Variants in TNKS2 observed in about 807,000 individuals in gnomAD.
TNKS2 encodes tankyrase 2.
In TNKS2, 72 loss-of-function variants were observed where a neutral mutation model predicts 137.6. The ratio of observed to expected loss-of-function variants is 0.52; its 90% CI spans 0.43 to 0.64. The LOEUF (loss-of-function observed/expected upper bound fraction) is 0.64, where lower values mean the gene tolerates loss of function less well. Among genes scored for constraint, TNKS2 ranks in the 30% least tolerant of loss-of-function variants. The probability of loss-of-function intolerance (pLI) is 0.00; values close to 1 mark genes in which losing one functional copy is unlikely to be tolerated. For synonymous variants in TNKS2, 516 were observed against 512.1 expected, an observed-to-expected ratio of 1.01 and a Z score of -0.10; for missense variants, 1,049 against 1,410.2, an observed-to-expected ratio of 0.74 and a Z score of 4.10.
intron 3 of TNKS2, among the ~76,000 whole-genome samples, chr10:91,818,881 T>C (rs928327755): frequency 6.6e-6 from 1 of 152,126 alleles, no homozygotes; most frequent in African/African-American, 2.4e-5. Flanking sequence ...TTCTCTGTTA[T>C]AAAAATAACA....
rs1166530542 is a variant in TNKS2, at chr10:91,798,457, G to C, written c.-234G>C. ...CGCCGCCGCGTCGTTTCAGGACCCG[G>C]ACGGCGGATTCGCGCTGCCTCCGCC... is the stretch of plus-strand genomic sequence containing the variant. On this transcript the variant is annotated 5_prime_UTR_variant, in exon 1 of 27. Transcript: ENST00000371627. 6.1e-6 allele frequency: 2 copies of C among 327,152 alleles called. No homozygotes were observed. The highest frequency in any genetic ancestry group is 5.3e-6 in the Non-Finnish European group (1 of 189,008). 20.3% of individuals were successfully genotyped at this position (327,152 alleles called of 1,614,324 possible).
chr10:91,845,106 A>C, intron 17 of TNKS2, 78 bp downstream of exon 17: 1 of 886,800 alleles, frequency 1.1e-6, no homozygotes, highest in East Asian at 2.6e-5. Context: ...AATGGAATGT[A>C]GTTTGATGTT....
At chr10:91,812,949 T>C (rs1844555918) in intron 1 of TNKS2, 34 bp from the exon 2 acceptor site, 1 of 1,606,540 alleles carries the variant, frequency 6.2e-7, no homozygotes, top group African/African-American at 1.3e-5. Context: ...TTTTCCTTGT[T>C]GAACTTACGT....
chr10:91,825,895 T>C (rs1275778520), intron 7 of TNKS2, among the ~76,000 whole-genome samples: 2 of 152,258 alleles, frequency 1.3e-5, no homozygotes, highest in Non-Finnish European at 2.9e-5. Flanking sequence ...TAAAGTGCGA[T>C]AGCCACATTA....
chr10:91,841,007 GT>G (rs1366386666), intron 14 of TNKS2, among the ~76,000 whole-genome samples: 1 of 151,988 alleles, frequency 6.6e-6, no homozygotes, highest in Non-Finnish European at 1.5e-5. Context: ...AATTCTTCCA[GT>G]TTATCTTGAA....
intron 5 of TNKS2, 70 bp downstream of exon 5, chr10:91,819,627 T>C (rs968875092): frequency 8.5e-6 from 10 of 1,178,442 alleles, no homozygotes; most frequent in African/African-American, 1.6e-5. Flanking sequence ...GTTTATCTTA[T>C]GATAAATTGA....
At chr10:91,806,931 T>A (rs1844341163) in intron 1 of TNKS2, among the ~76,000 whole-genome samples, 1 of 151,548 alleles carries the variant, frequency 6.6e-6, no homozygotes, top group Admixed American at 6.6e-5. Flanking sequence ...TAACATCAAA[T>A]AATCTCCAGT....
At chr10:91,814,497 T>C (rs1445302962) in intron 2 of TNKS2, among the ~76,000 whole-genome samples, 2 of 152,254 alleles carry the variant, frequency 1.3e-5, no homozygotes, top group African/African-American at 4.8e-5. Flanking sequence ...ATGTAGAGTC[T>C]ACAGTAATGT....
rs978141479 is a variant in TNKS2, at chr10:91,858,114, T to C, written c.3094+584T>C. 2.0e-5 allele frequency among the ~76,000 whole-genome samples: 3 copies of C among 152,198 alleles called. No homozygotes were observed. The East Asian group carries it at 5.8e-4, about 29-fold the overall frequency. On this transcript the variant is annotated intron_variant, in intron 24 of 26. Coordinates refer to ENST00000371627, the MANE Select transcript of TNKS2 (RefSeq NM_025235.4). The stretch of plus-strand genomic sequence containing the variant: ...TTTAGCAAAGTTAAACATATTAATG[T>C]AGTATTTATGAGGGCTTCAAGTACA...
intron 19 of TNKS2, 146 bp downstream of exon 19, chr10:91,848,781 ATTAC>A: frequency 1.1e-6 from 1 of 876,892 alleles, no homozygotes; most frequent in Non-Finnish European, 1.7e-6. Context: ...TTAACCTTGT[ATTAC>A]TTTCTTCCTT....
rs192016695 is a variant in TNKS2 at position 91,847,217 on chromosome 10, A to G, written c.2359-1166A>G. ...GGTGATGACTGGAATAGTCAGAACAAATGACTATGAAACAAGTACTAATTT... is the reference window on the plus strand; with the variant it reads ...GGTGATGACTGGAATAGTCAGAACAGATGACTATGAAACAAGTACTAATTT... On this transcript the variant is annotated intron_variant, in intron 18 of 26. Transcript: ENST00000371627. 2.7e-4 allele frequency among the ~76,000 whole-genome samples: 41 copies of G among 152,354 alleles called. No homozygotes were observed. The East Asian group carries it at 7.3e-3, about 27-fold the overall frequency.
intron 19 of TNKS2, among the ~76,000 whole-genome samples, chr10:91,849,027 G>A (rs934834265): frequency 6.6e-6 from 1 of 152,118 alleles, no homozygotes; most frequent in African/African-American, 2.4e-5. Context: ...AGTAGAGATG[G>A]GATTTCACCA....
chr10:91,846,139 A>G (rs571524706), intron 18 of TNKS2, among the ~76,000 whole-genome samples, 199 bp downstream of exon 18: 13 of 152,358 alleles, frequency 8.5e-5, no homozygotes, highest in African/African-American at 2.2e-4. Context: ...GAATAGAATT[A>G]TCAATCAGTT....
intron 3 of TNKS2, 121 bp from the exon 4 acceptor site, chr10:91,819,149 C>A (rs765330494): frequency 4.5e-4 from 264 of 593,090 alleles, no homozygotes; most frequent in South Asian, 9.2e-4. Flanking sequence ...GAACTATTTT[C>A]CATTTATTGG....
intron 7 of TNKS2, among the ~76,000 whole-genome samples, chr10:91,823,734 C>T (rs2133620240): frequency 6.6e-6 from 1 of 152,292 alleles, no homozygotes; most frequent in African/African-American, 2.4e-5. Flanking sequence ...TGTTACCCTG[C>T]ACCCATTCTA....
In TNKS2 at chr10:91,842,379, T is replaced by C; in HGVS notation, c.2047T>C (p.Leu683=). ...TACCCAAGGCAGACATTCAACACCTTTACATTTAGCAGGTAAGTGAATGAA... is the reference window on the plus strand; with the variant it reads ...TACCCAAGGCAGACATTCAACACCTCTACATTTAGCAGGTAAGTGAATGAA... ...RDTQGRHSTP[L]HLAAGYNNLE... Residue 683 remains leucine (L), a synonymous_variant, in exon 16 of 27, where the codon TTA becomes CTA. Coordinates refer to ENST00000371627, the MANE Select transcript of TNKS2 (RefSeq NM_025235.4). 1.9e-6 allele frequency: 3 copies of C among 1,614,002 alleles called. No individual in the cohort carries two copies. Among genetic ancestry groups the C allele is most frequent in the Non-Finnish European group, 2.5e-6 (3 of 1,179,910 alleles).
chr10:91,798,461 G>C lies in TNKS2; in HGVS notation c.-230G>C, dbSNP rs1844035017. 8.9e-6 allele frequency: 3 copies of C among 336,094 alleles called. No homozygotes were observed. The highest frequency in any genetic ancestry group is 1.5e-5 in the Non-Finnish European group (3 of 196,304). 20.8% of individuals were successfully genotyped at this position (336,094 alleles called of 1,614,324 possible). The stretch of plus-strand genomic sequence containing the variant: ...GCCGCGTCGTTTCAGGACCCGGACG[G>C]CGGATTCGCGCTGCCTCCGCCGCCG... On this transcript the variant is annotated 5_prime_UTR_variant, in exon 1 of 27. Transcript: ENST00000371627.
At chr10:91,803,023 T>C (rs1260212284) in intron 1 of TNKS2, among the ~76,000 whole-genome samples, 1 of 152,208 alleles carries the variant, frequency 6.6e-6, no homozygotes, top group African/African-American at 2.4e-5. Flanking sequence ...GGAGTACTCC[T>C]TTCAGTGTAC....
chr10:91,852,455 G>T (rs1430151886), intron 21 of TNKS2, among the ~76,000 whole-genome samples: 1 of 151,868 alleles, frequency 6.6e-6, no homozygotes, highest in African/African-American at 2.4e-5. Flanking sequence ...ACTTACTCGG[G>T]AGGCCGAGGC....
Sources: gnomAD v4.1 joint callset for allele counts (sites outside exome capture counted in the v4.1 genomes callset) on GRCh38, gnomAD v4.1.1 for gene constraint, MANE v1.5 for transcripts, NCBI Gene and HGNC (gene_info 2026-07-23, HGNC 2026-07-21) for gene names.